Variants in SMAD9 observed in about 807,000 individuals in gnomAD.
SMAD9 encodes SMAD family member 9, also known as MAD homolog 9.
SMAD9 carries 36 observed loss-of-function variants against 46.1 expected under a neutral mutation model. That is an observed-to-expected ratio of 0.78 (90% CI 0.60 to 1.03). The LOEUF is 1.03. Ranked by LOEUF, SMAD9 falls within the 50% of genes least tolerant of loss-of-function variation. The probability of loss-of-function intolerance (pLI) is 0.00; values close to 1 mark genes in which losing one functional copy is unlikely to be tolerated. For synonymous variants in SMAD9, 245 were observed against 237.1 expected (o/e 1.03, Z -0.31); for missense variants, 572 against 599.8 (o/e 0.95, Z 0.48).
At chr13:36,889,333 C>T (rs2058472059) in intron 1 of SMAD9, among the ~76,000 whole-genome samples, 1 of 152,152 alleles carries the variant, frequency 6.6e-6, no homozygotes, top group East Asian at 1.9e-4. Flanking sequence ...ATGTTTCTTT[C>T]ATGCTCAAGA....
chr13:36,902,322 G>A (rs1338915817), intron 1 of SMAD9, among the ~76,000 whole-genome samples: 3 of 151,918 alleles, frequency 2.0e-5, no homozygotes, highest in Non-Finnish European at 4.4e-5. Flanking sequence ...CAGATGTTCG[G>A]GTTTATTTCT....
chr13:36,910,749 T>C (rs1446601594), intron 1 of SMAD9, among the ~76,000 whole-genome samples: 2 of 152,192 alleles, frequency 1.3e-5, no homozygotes, highest in African/African-American at 4.8e-5. Context: ...GCAACAGCAC[T>C]GATCAGCTCT....
At chr13:36,896,428 C>T (rs771193046) in intron 1 of SMAD9, among the ~76,000 whole-genome samples, 34 of 152,106 alleles carry the variant, frequency 2.2e-4, no homozygotes, top group Non-Finnish European at 4.3e-4. Flanking sequence ...ACACCAGACC[C>T]GGCCGATTTT....
At chr13:36,890,369 A>G (rs1235759458) in intron 1 of SMAD9, among the ~76,000 whole-genome samples, 1 of 152,212 alleles carries the variant, frequency 6.6e-6, no homozygotes, top group Non-Finnish European at 1.5e-5. Context: ...AGGACGCTTT[A>G]TAACTCTTTG....
chr13:36,861,705 G>T (rs1467010058), intron 5 of SMAD9, among the ~76,000 whole-genome samples: 2 of 149,676 alleles, frequency 1.3e-5, no homozygotes, highest in Non-Finnish European at 3.0e-5. Context: ...CAAGGCAGGG[G>T]ATCACCCGAG....
In SMAD9 at chr13:36,848,599, G is replaced by C. The variant is rs975785359; in HGVS notation, c.*77C>G. On this transcript the variant is annotated 3_prime_UTR_variant, in exon 7 of 7. Coordinates refer to ENST00000379826, the MANE Select transcript of SMAD9 (RefSeq NM_001127217.3). ...TTTACACATGTTTTTAGAAACTTCA[G>C]TTGCAAATCTGAAATGATACAAGCC... The C allele has an allele frequency of 4.4e-6, 6 of 1,374,240 alleles. No individual in the cohort carries two copies. In the African/African-American group the frequency reaches 8.6e-5, roughly 20 times the overall value. 85.1% of individuals were successfully genotyped at this position (1,374,240 alleles called of 1,614,324 possible). A position where few individuals can be genotyped will look rare whatever the true frequency, so the allele number is the denominator to read the frequency against.
At chr13:36,899,181 C>T (rs570710362) in intron 1 of SMAD9, among the ~76,000 whole-genome samples, 105 of 152,100 alleles carry the variant, frequency 6.9e-4, no homozygotes, top group African/African-American at 2.4e-3. Context: ...AGCTCAAAAA[C>T]CATAAAACAC....
intron 3 of SMAD9, 127 bp downstream of exon 3, chr13:36,872,531 T>G: frequency 9.0e-7 from 1 of 1,113,370 alleles, no homozygotes; most frequent in Non-Finnish European, 1.3e-6. Flanking sequence ...TTAAGGCTGA[T>G]TGCTTTGTAA....
chr13:36,892,605 G>T (rs1362605107), intron 1 of SMAD9, among the ~76,000 whole-genome samples: 2 of 152,136 alleles, frequency 1.3e-5, no homozygotes, highest in Non-Finnish European at 2.9e-5. Flanking sequence ...AAACATTCCA[G>T]TCTTCTGAGA....
chr13:36,853,069 A>C (rs1219365849), intron 6 of SMAD9, among the ~76,000 whole-genome samples: 1 of 152,084 alleles, frequency 6.6e-6, no homozygotes, highest in Non-Finnish European at 1.5e-5. Context: ...GGAGGATCAC[A>C]AGGTCAGGAG....
chr13:36,901,663 A>T (rs2058577411), intron 1 of SMAD9, among the ~76,000 whole-genome samples: 2 of 152,002 alleles, frequency 1.3e-5, no homozygotes, highest in Admixed American at 6.6e-5. Context: ...CCTAGCCTCA[A>T]ATGATCTCCC....
At chr13:36,890,423 A>T (rs1237112568) in intron 1 of SMAD9, among the ~76,000 whole-genome samples, 1 of 152,214 alleles carries the variant, frequency 6.6e-6, no homozygotes, top group East Asian at 1.9e-4. Context: ...AGAATTATAC[A>T]ACTGTTCCAG....
intron 1 of SMAD9, among the ~76,000 whole-genome samples, chr13:36,890,763 T>A (rs372093986): frequency 9.9e-5 from 15 of 151,972 alleles, no homozygotes; most frequent in African/African-American, 3.1e-4. Context: ...CAACCACACA[T>A]GTATGCACTC....
intron 5 of SMAD9, among the ~76,000 whole-genome samples, chr13:36,864,001 C>G (rs2058208228): frequency 6.6e-6 from 1 of 152,146 alleles, no homozygotes; most frequent in Admixed American, 6.5e-5. Context: ...TACTTTAATC[C>G]TGTCTTTGGA....
intron 1 of SMAD9, among the ~76,000 whole-genome samples, chr13:36,917,528 T>C (rs2058707933): frequency 6.6e-6 from 1 of 152,222 alleles, no homozygotes; most frequent in African/African-American, 2.4e-5. Context: ...CTATATTTAC[T>C]GTTTCATTCT....
In SMAD9 at chr13:36,857,470, T is replaced by C. The variant is rs116383729; in HGVS notation, c.1004-3795A>G. Among the ~76,000 whole-genome samples the C allele has an allele frequency of 7.9e-3, 1,210 of 152,316 alleles. 15 individuals carry two copies. Among genetic ancestry groups the C allele is most frequent in the African/African-American group, 0.028 (1,176 of 41,560 alleles). ...TCTTTATCTGAACTTTCCATTTGTG[T>C]GTGACTGCCACCCACTTTTTATGAG... On this transcript the variant is annotated intron_variant, in intron 5 of 6. Coordinates refer to ENST00000379826, the MANE Select transcript of SMAD9 (RefSeq NM_001127217.3).
intron 1 of SMAD9, among the ~76,000 whole-genome samples, chr13:36,888,715 T>C (rs2058467589): frequency 6.6e-6 from 1 of 152,140 alleles, no homozygotes; most frequent in Non-Finnish European, 1.5e-5. Flanking sequence ...CTCCTAAATA[T>C]GTTTTGTGAT....
chr13:36,850,342 T>G lies in SMAD9; in HGVS notation c.1261-1523A>C, dbSNP rs1047132672. Among the ~76,000 whole-genome samples, 4 of 152,136 alleles carry G rather than the reference T, an allele frequency of 2.6e-5. No homozygotes were observed. The East Asian group carries it at 5.8e-4, about 22-fold the overall frequency. ...TCTGTCCCATCTTTAAATGTTGAAG[T>G]GTCCCAGGGCTCAGTCCTAGAGCCC... is the stretch of plus-strand genomic sequence containing the variant. On this transcript the variant is annotated intron_variant, in intron 6 of 6. Transcript: ENST00000379826.
chr13:36,887,732 A>G (rs1490582665), intron 1 of SMAD9, among the ~76,000 whole-genome samples: 2 of 152,148 alleles, frequency 1.3e-5, no homozygotes, highest in Non-Finnish European at 2.9e-5. Flanking sequence ...CTGATTATCC[A>G]TAAAAAGGAG....
Sources: gnomAD v4.1 joint callset for allele counts (sites outside exome capture counted in the v4.1 genomes callset) on GRCh38, gnomAD v4.1.1 for gene constraint, MANE v1.5 for transcripts, NCBI Gene and HGNC (gene_info 2026-07-23, HGNC 2026-07-21) for gene names.